SPOCK3: variants seen among roughly 807,000 people sequenced by gnomAD.
The protein encoded by SPOCK3 is testican-3.
Under a neutral mutation model 56.6 loss-of-function variants are expected in SPOCK3, and 30 were observed. The observed-to-expected ratio is 0.53, with a 90% CI of 0.40 to 0.72. The LOEUF (loss-of-function observed/expected upper bound fraction) is 0.72, where lower values mean the gene tolerates loss of function less well. Among genes scored for constraint, SPOCK3 ranks in the 30% least tolerant of loss-of-function variants. The pLI, the probability that SPOCK3 is intolerant of heterozygous loss-of-function variation, is 0.00. For synonymous variants in SPOCK3, 196 were observed against 183.3 expected (o/e 1.07, Z -0.56); for missense variants, 527 against 530.0 (o/e 0.99, Z 0.06).
At chr4:166,797,426 T>A (rs980237373) in intron 6 of SPOCK3, among the ~76,000 whole-genome samples, 6 of 151,614 alleles carry the variant, frequency 4.0e-5, no homozygotes, top group African/African-American at 1.5e-4. Flanking sequence ...TTACATAATC[T>A]CAAAGAACTC....
chr4:166,802,984 G>T (rs148640598), intron 6 of SPOCK3, among the ~76,000 whole-genome samples: 91 of 152,212 alleles, frequency 6.0e-4, no homozygotes, highest in Admixed American at 2.4e-3. Context: ...TGCGGTAGTG[G>T]TGTTTCTGTT....
At chr4:167,067,515 C>T (rs1271398027) in intron 2 of SPOCK3, among the ~76,000 whole-genome samples, 2 of 151,588 alleles carry the variant, frequency 1.3e-5, no homozygotes, top group Admixed American at 1.3e-4. Context: ...ATATGACAGT[C>T]CAGTTCTGGG....
At chr4:166,904,347 G>T (rs1736387372) in intron 5 of SPOCK3, among the ~76,000 whole-genome samples, 1 of 151,954 alleles carries the variant, frequency 6.6e-6, no homozygotes, top group Non-Finnish European at 1.5e-5. Flanking sequence ...CATTAATTTA[G>T]AATACTTATT....
chr4:166,836,961 C>T (rs1746682142), intron 6 of SPOCK3, among the ~76,000 whole-genome samples: 2 of 152,134 alleles, frequency 1.3e-5, no homozygotes, highest in South Asian at 4.1e-4. Context: ...TATCAATTCC[C>T]ACTTGTCCAT....
intron 3 of SPOCK3, among the ~76,000 whole-genome samples, chr4:167,034,840 A>G (rs143573076): frequency 0.013 from 1,951 of 152,286 alleles, 21 homozygotes; most frequent in Non-Finnish European, 0.019. Flanking sequence ...AAAAATAGGC[A>G]GAGTACATAA....
intron 6 of SPOCK3, among the ~76,000 whole-genome samples, chr4:166,797,452 T>A (rs1454583332): frequency 1.3e-5 from 2 of 151,940 alleles, no homozygotes; most frequent in Non-Finnish European, 2.9e-5. Flanking sequence ...GCTTTTTATT[T>A]ATTTTTTGGT....
At chr4:166,790,875 A>C (rs1741266907) in intron 7 of SPOCK3, among the ~76,000 whole-genome samples, 1 of 152,218 alleles carries the variant, frequency 6.6e-6, no homozygotes, top group Non-Finnish European at 1.5e-5. Context: ...TCTTTAAAAA[A>C]TCAATATGTA....
intron 7 of SPOCK3, among the ~76,000 whole-genome samples, chr4:166,774,326 G>T (rs1415048730): frequency 1.3e-5 from 2 of 152,040 alleles, no homozygotes; most frequent in Admixed American, 6.6e-5. Flanking sequence ...GTGCTGTATG[G>T]GCCTATCAGG....
At chr4:166,807,152 T>C (rs1348889904) in intron 6 of SPOCK3, among the ~76,000 whole-genome samples, 1 of 152,080 alleles carries the variant, frequency 6.6e-6, no homozygotes, top group Non-Finnish European at 1.5e-5. Context: ...AAGCACTGTA[T>C]GCTAGACCAA....
chr4:167,207,406 A>T (rs1332745685), intron 2 of SPOCK3, among the ~76,000 whole-genome samples: 2 of 151,898 alleles, frequency 1.3e-5, no homozygotes, highest in African/African-American at 4.8e-5. Context: ...ACTTTCTAAT[A>T]AAAAAACTAA....
chr4:166,765,846 A>G (rs1412513798), intron 7 of SPOCK3, among the ~76,000 whole-genome samples: 7 of 152,104 alleles, frequency 4.6e-5, no homozygotes, highest in African/African-American at 1.7e-4. Context: ...ATTTGTTTGT[A>G]TCCTCTTTTA....
At chr4:166,945,653 C>G (rs1028246639) in intron 4 of SPOCK3, among the ~76,000 whole-genome samples, 1 of 152,198 alleles carries the variant, frequency 6.6e-6, no homozygotes, top group African/African-American at 2.4e-5. Context: ...CAATTGACCA[C>G]TAATATCTCA....
chr4:166,739,698 T>C (rs1430499155), intron 9 of SPOCK3, among the ~76,000 whole-genome samples: 1 of 84,092 alleles, frequency 1.2e-5, no homozygotes, highest in African/African-American at 4.4e-5. Flanking sequence ...TTCTTTTATT[T>C]TCTGACTTTT....
At chr4:167,175,015 T>G (rs991660972) in intron 2 of SPOCK3, among the ~76,000 whole-genome samples, 1 of 152,120 alleles carries the variant, frequency 6.6e-6, no homozygotes, top group African/African-American at 2.4e-5. Context: ...AGGATACAGC[T>G]GCCACGTGCT....
rs192649648 is a variant in SPOCK3, at chr4:166,819,022, C to G, written c.590-26733G>C. Among the ~76,000 whole-genome samples, 282 of 152,110 alleles carry G rather than the reference C, an allele frequency of 1.9e-3. 1 individual carries two copies. The highest frequency in any genetic ancestry group is 0.011 in the South Asian group (51 of 4,818). On this transcript the variant is annotated intron_variant, in intron 6 of 10. Coordinates refer to ENST00000357545, the MANE Select transcript of SPOCK3 (RefSeq NM_001040159.2). ...TTTTAGCAAATCATATAAATACTCT[C>G]CTGGTAATATTTGGACAAACAATAA...
intron 8 of SPOCK3, among the ~76,000 whole-genome samples, chr4:166,742,297 CAGAG>C (rs1220991068): frequency 2.0e-5 from 3 of 151,750 alleles, no homozygotes; most frequent in Admixed American, 6.6e-5. Context: ...TCTATAGAGA[CAGAG>C]AGAGCACTCA....
At chr4:166,901,662 C>G (rs1736061400) in intron 5 of SPOCK3, among the ~76,000 whole-genome samples, 1 of 152,046 alleles carries the variant, frequency 6.6e-6, no homozygotes, top group South Asian at 2.1e-4. Flanking sequence ...CCTGCTGCAC[C>G]TGACTTAATT....
chr4:167,132,655 G>A (rs900237500), intron 2 of SPOCK3, among the ~76,000 whole-genome samples: 6 of 152,144 alleles, frequency 3.9e-5, no homozygotes, highest in Admixed American at 3.3e-4. Context: ...GTGGAGGCCA[G>A]AAGCCACAAA....
At chr4:166,928,426 C>A (rs966301825) in intron 4 of SPOCK3, among the ~76,000 whole-genome samples, 2 of 152,192 alleles carry the variant, frequency 1.3e-5, no homozygotes, top group South Asian at 4.1e-4. Flanking sequence ...CTGGAAGAAG[C>A]CAACCAGGAA....
Sources: gnomAD v4.1 joint callset for allele counts (sites outside exome capture counted in the v4.1 genomes callset) on GRCh38, gnomAD v4.1.1 for gene constraint, MANE v1.5 for transcripts, NCBI Gene and HGNC (gene_info 2026-07-23, HGNC 2026-07-21) for gene names.